The following COL25A1 variants were observed in gnomAD, a reference collection of about 807,000 sequenced individuals.
The protein encoded by COL25A1 is collagen alpha-1(XXV) chain.
In COL25A1, 103 loss-of-function variants were observed where a neutral mutation model predicts 128.4. The ratio of observed to expected loss-of-function variants is 0.80; its 90% CI spans 0.68 to 0.94. The LOEUF is 0.94. Among genes scored for constraint, COL25A1 ranks in the 40% least tolerant of loss-of-function variants. The pLI is 0.00. For synonymous variants in COL25A1, 279 were observed against 277.2 expected (o/e 1.01, Z -0.06); for missense variants, 745 against 840.0 (o/e 0.89, Z 1.40).
Position 109,291,928 on chromosome 4 carries a change from G to T in COL25A1, c.367+8655C>A, listed in dbSNP as rs1331575429. On this transcript the variant is annotated intron_variant, in intron 3 of 37. Transcript: ENST00000399132. ...CTAGAATACTCTGACCCATTAAAGA[G>T]ATGATATTATATGAATAGTCACTTT... 1.3e-5 allele frequency among the ~76,000 whole-genome samples: 2 copies of T among 152,100 alleles called. 1 individual carries two copies. Among genetic ancestry groups the T allele is most frequent in the South Asian group, 4.1e-4 (2 of 4,834 alleles).
At chr4:108,855,791 G>A (rs1364913778) in intron 24 of COL25A1, among the ~76,000 whole-genome samples, 1 of 152,092 alleles carries the variant, frequency 6.6e-6, no homozygotes, top group Non-Finnish European at 1.5e-5. Flanking sequence ...ACAACAAACT[G>A]AGCTAACTTC....
chr4:109,301,874 C>T lies in COL25A1; in HGVS notation c.146G>A (p.Cys49Tyr). ...GTTGGTTTTCACACCCAGGTACAGG[C>T]AAGACACCACGGCCACCACTGACAG... ...ALLSVVAVVS[C>Y]LYLGVKTNDL... is the part of the protein sequence containing the mutation. Residue 49 changes from cysteine to tyrosine, a missense_variant, in exon 2 of 38, where the codon TGC (cysteine) becomes TAC (tyrosine). Cys to Tyr is a radical substitution (Grantham distance 194). This residue lies in a region of COL25A1 where 319 missense variants were observed against 324.9 expected (regional missense o/e 0.98). Coordinates refer to ENST00000399132, the MANE Select transcript of COL25A1 (RefSeq NM_198721.4). The T allele has an allele frequency of 6.2e-7, 1 of 1,614,206 alleles. No individual in the cohort carries two copies. Among genetic ancestry groups the T allele is most frequent in the Non-Finnish European group, 8.5e-7 (1 of 1,180,042 alleles).
intron 5 of COL25A1, among the ~76,000 whole-genome samples, chr4:109,037,520 G>A (rs1441155343): frequency 1.3e-5 from 2 of 152,210 alleles, no homozygotes; most frequent in African/African-American, 4.8e-5. Flanking sequence ...AGAAATGCTA[G>A]CACCAATCAA....
At chr4:109,037,897 T>C (rs1042328926) in intron 5 of COL25A1, among the ~76,000 whole-genome samples, 7 of 152,150 alleles carry the variant, frequency 4.6e-5, no homozygotes, top group Non-Finnish European at 8.8e-5. Flanking sequence ...GGAAAGCTTA[T>C]CAAATCAGAC....
In COL25A1 at chr4:109,049,262, G is replaced by A. The variant is rs76827016; in HGVS notation, c.412+873C>T. Among the ~76,000 whole-genome samples, 639 of 152,234 alleles carry A rather than the reference G, an allele frequency of 4.2e-3. 4 individuals are homozygous for A. Among genetic ancestry groups the A allele is most frequent in the Middle Eastern group, 0.031 (9 of 294 alleles). Reference sequence around the variant, plus strand: ...ACTGAAAAATAACAATTTACAGCATGCTAGAGTCAAACCTTAAATTACTTT... The same window carrying A: ...ACTGAAAAATAACAATTTACAGCATACTAGAGTCAAACCTTAAATTACTTT... On this transcript the variant is annotated intron_variant, in intron 4 of 37. Coordinates refer to ENST00000399132, the MANE Select transcript of COL25A1 (RefSeq NM_198721.4).
At chr4:109,116,940 T>C (rs1767630341) in intron 3 of COL25A1, among the ~76,000 whole-genome samples, 1 of 151,114 alleles carries the variant, frequency 6.6e-6, no homozygotes, top group Admixed American at 6.6e-5. Flanking sequence ...AATGTGACAA[T>C]GGAAACTTTC....
At chr4:108,917,588 C>T (rs919590200) in intron 13 of COL25A1, among the ~76,000 whole-genome samples, 4 of 152,158 alleles carry the variant, frequency 2.6e-5, no homozygotes, top group Non-Finnish European at 4.4e-5. Flanking sequence ...TAAATGTACA[C>T]AACACATAGA....
chr4:108,848,811 G>T lies in COL25A1; in HGVS notation c.1390-8C>A. On this transcript the variant is annotated splice_region_variant and splice_polypyrimidine_tract_variant and intron_variant, in intron 26 of 37. Coordinates refer to ENST00000399132, the MANE Select transcript of COL25A1 (RefSeq NM_198721.4). ...TGGAGATCCCTGCTCTCCCTATTAA[G>T]ATAAAAATAGATGACTTGCCTCCAT... The T allele has an allele frequency of 6.2e-7, 1 of 1,603,252 alleles. No homozygotes were observed. Among genetic ancestry groups the T allele is most frequent in the Non-Finnish European group, 8.5e-7 (1 of 1,170,832 alleles).
At chr4:108,936,101 T>C (rs1747370706) in intron 11 of COL25A1, among the ~76,000 whole-genome samples, 1 of 152,168 alleles carries the variant, frequency 6.6e-6, no homozygotes, top group Non-Finnish European at 1.5e-5. Flanking sequence ...TTTCAAAATT[T>C]TATTGCAGTT....
chr4:109,069,063 A>T (rs1413530849), intron 3 of COL25A1, among the ~76,000 whole-genome samples: 1 of 151,634 alleles, frequency 6.6e-6, no homozygotes, highest in Admixed American at 6.6e-5. Flanking sequence ...TTCACTTTAT[A>T]ATTTAACCAC....
chr4:109,059,952 A>T (rs1761811042), intron 3 of COL25A1, among the ~76,000 whole-genome samples: 1 of 152,196 alleles, frequency 6.6e-6, no homozygotes. Context: ...CAAATGGCAG[A>T]GTACAACTTT....
chr4:109,086,140 C>A (rs1388272004), intron 3 of COL25A1, among the ~76,000 whole-genome samples: 1 of 152,198 alleles, frequency 6.6e-6, no homozygotes, highest in East Asian at 1.9e-4. Context: ...TCAGTTCCTG[C>A]TGTTCTTTAT....
At chr4:108,877,236 G>T (rs1054818271) in intron 19 of COL25A1, among the ~76,000 whole-genome samples, 5 of 152,092 alleles carry the variant, frequency 3.3e-5, no homozygotes, top group African/African-American at 7.2e-5. Flanking sequence ...AACTACGGAG[G>T]GCCTCATCAT....
chr4:109,106,533 G>A (rs937507601), intron 3 of COL25A1, among the ~76,000 whole-genome samples: 3 of 151,882 alleles, frequency 2.0e-5, no homozygotes, highest in African/African-American at 7.3e-5. Context: ...TCATGACACT[G>A]AAAGAGGTAT....
At chr4:109,114,351 A>C (rs1428379348) in intron 3 of COL25A1, among the ~76,000 whole-genome samples, 2 of 152,116 alleles carry the variant, frequency 1.3e-5, no homozygotes, top group Non-Finnish European at 2.9e-5. Flanking sequence ...ACACAACTGT[A>C]TACTTGCAAA....
intron 3 of COL25A1, among the ~76,000 whole-genome samples, chr4:109,143,090 G>A (rs1770582022): frequency 6.6e-6 from 1 of 152,254 alleles, no homozygotes; most frequent in East Asian, 1.9e-4. Context: ...AGGAACTCTT[G>A]TAAGGCAAGC....
In COL25A1 at chr4:108,859,719, T is replaced by G. The variant is rs751618263; in HGVS notation, c.1257A>C (p.Gln419His). 6.8e-6 allele frequency: 11 copies of G among 1,613,868 alleles called. No individual in the cohort carries two copies. In the Admixed American group the frequency reaches 1.5e-4, roughly 22 times the overall value. Residue 419 changes from glutamine to histidine, a missense_variant, in exon 24 of 38, where the codon CAA (glutamine) becomes CAC (histidine). Physicochemically the swap from Gln to His is conservative, Grantham distance 24. Coordinates refer to ENST00000399132, the MANE Select transcript of COL25A1 (RefSeq NM_198721.4). ...GAQGPRGPPGQKGDQGATEII... is the reference protein window; with the variant it reads ...GAQGPRGPPGHKGDQGATEII... ...TCTCAGTGGCTCCTTGATCCCCTTTTTGACCAGGTGGACCCTATGACAAAA... is the reference window on the plus strand; with the variant it reads ...TCTCAGTGGCTCCTTGATCCCCTTTGTGACCAGGTGGACCCTATGACAAAA...
intron 5 of COL25A1, among the ~76,000 whole-genome samples, chr4:109,021,284 T>A (rs1457478613): frequency 2.0e-5 from 3 of 152,230 alleles, no homozygotes; most frequent in Non-Finnish European, 4.4e-5. Context: ...TAATGGCCAT[T>A]GCAAGAGAGT....
At chr4:108,959,123 T>C (rs1415495428) in intron 8 of COL25A1, among the ~76,000 whole-genome samples, 1 of 152,042 alleles carries the variant, frequency 6.6e-6, no homozygotes, top group African/African-American at 2.4e-5. Context: ...ACTGCATGCA[T>C]ATTTAAGTAA....
Sources: allele counts gnomAD v4.1 joint callset (sites outside exome capture counted in the v4.1 genomes callset), GRCh38; gene constraint gnomAD v4.1.1; regional missense constraint gnomAD v4.1.1; transcripts MANE v1.5; gene names NCBI Gene and HGNC (gene_info 2026-07-23, HGNC 2026-07-21).